SOX6: variants seen among roughly 807,000 people sequenced by gnomAD.
SOX6 encodes the protein SRY-box transcription factor 6.
In SOX6, 11 loss-of-function variants were observed where a neutral mutation model predicts 97.8. That is an observed-to-expected ratio of 0.11 (90% CI 0.07 to 0.19). SOX6 has a LOEUF of 0.19. Ranked by LOEUF, SOX6 falls within the 10% of genes least tolerant of loss-of-function variation. The pLI, the probability that SOX6 is intolerant of heterozygous loss-of-function variation, is 1.00. For missense variants in SOX6, 810 were observed against 1,039.5 expected, an observed-to-expected ratio of 0.78 and a Z score of 3.04; for synonymous variants, 360 against 371.4, an observed-to-expected ratio of 0.97 and a Z score of 0.35.
At chr11:16,116,482 A>G (rs1370886449) in intron 6 of SOX6, among the ~76,000 whole-genome samples, 2 of 151,960 alleles carry the variant, frequency 1.3e-5, no homozygotes, top group Admixed American at 6.6e-5. Context: ...TGAAAAACAG[A>G]TCTAAGATAA....
intron 4 of SOX6, among the ~76,000 whole-genome samples, chr11:16,234,068 TCCAAAG>T (rs1852942719): frequency 6.6e-6 from 1 of 150,410 alleles, no homozygotes; most frequent in African/African-American, 2.4e-5. Context: ...CAGTGGCTTG[TCCAAAG>T]TTACTCTGTC....
intron 2 of SOX6, 72 bp downstream of exon 2, chr11:16,340,940 A>G: frequency 6.2e-7 from 1 of 1,601,718 alleles, no homozygotes. Flanking sequence ...CTATTTCCCT[A>G]AAATATCTAT....
chr11:16,287,771 T>C (rs992587392), intron 3 of SOX6, among the ~76,000 whole-genome samples: 2 of 152,100 alleles, frequency 1.3e-5, no homozygotes, highest in African/African-American at 4.8e-5. Flanking sequence ...GAATTCCTGG[T>C]ATACTCATTT....
intron 10 of SOX6, among the ~76,000 whole-genome samples, chr11:16,052,834 A>G (rs78532808): frequency 0.038 from 5,759 of 152,146 alleles, 352 homozygotes; most frequent in African/African-American, 0.13. Flanking sequence ...CTGAGGTTAT[A>G]CCCTTCTGGG....
intron 12 of SOX6, among the ~76,000 whole-genome samples, chr11:16,029,680 C>T (rs1855311838): frequency 6.6e-6 from 1 of 150,844 alleles, no homozygotes; most frequent in African/African-American, 2.4e-5. Flanking sequence ...CGAGAATTAA[C>T]TAAAATGGAT....
intron 13 of SOX6, among the ~76,000 whole-genome samples, chr11:16,004,002 A>AAT (rs1394298514): frequency 5.3e-5 from 8 of 151,360 alleles, no homozygotes; most frequent in Non-Finnish European, 1.2e-4. Context: ...GGTGTGTGTA[A>AAT]ATATATATAT....
rs748918183 is a variant in SOX6 at position 16,096,153 on chromosome 11, A to G, written c.979-35T>C. 5.1e-6 allele frequency: 8 copies of G among 1,580,522 alleles called. No homozygotes were observed. The South Asian group carries it at 5.5e-5, about 11-fold the overall frequency. On this transcript the variant is annotated intron_variant, in intron 8 of 15. Transcript: ENST00000683767. ...AGCATATTCAGAAAAAAAAAAAAAGACAAAACATACTGTCAGAACTCATGA... is the reference window on the plus strand; with the variant it reads ...AGCATATTCAGAAAAAAAAAAAAAGGCAAAACATACTGTCAGAACTCATGA...
At chr11:16,571,832 T>C (rs186534248) in intron 4 of SOX6, among the ~76,000 whole-genome samples, 1 of 152,290 alleles carries the variant, frequency 6.6e-6, no homozygotes, top group East Asian at 1.9e-4. Context: ...TTTGTATTTT[T>C]ACTAGAGACA....
At chr11:16,656,655 T>A (rs1353553884) in intron 3 of SOX6, among the ~76,000 whole-genome samples, 2 of 152,222 alleles carry the variant, frequency 1.3e-5, no homozygotes, top group Non-Finnish European at 2.9e-5. Context: ...AAAATTTTAC[T>A]TTAAAAGCCA....
intron 1 of SOX6, among the ~76,000 whole-genome samples, chr11:16,382,920 CA>C (rs1338711330): frequency 2.0e-5 from 3 of 150,946 alleles, no homozygotes; most frequent in Non-Finnish European, 4.4e-5. Flanking sequence ...CCATTAAAAA[CA>C]AAACAAACAA....
chr11:16,589,517 G>T (rs1327559674), intron 4 of SOX6, among the ~76,000 whole-genome samples: 1 of 152,010 alleles, frequency 6.6e-6, no homozygotes, highest in Admixed American at 6.6e-5. Flanking sequence ...ATAGCTTAAG[G>T]ATAATATTAA....
intron 12 of SOX6, among the ~76,000 whole-genome samples, chr11:16,020,699 C>A (rs540707907): frequency 2.5e-4 from 38 of 152,260 alleles, no homozygotes; most frequent in Non-Finnish European, 4.0e-4. Context: ...TACCTACTCT[C>A]TGCTATACAA....
intron 1 of SOX6, among the ~76,000 whole-genome samples, chr11:16,427,577 G>A (rs1218097121): frequency 1.3e-5 from 2 of 151,968 alleles, no homozygotes; most frequent in Admixed American, 1.3e-4. Flanking sequence ...AGAACATGAG[G>A]TGTTTGGTTT....
intron 2 of SOX6, among the ~76,000 whole-genome samples, chr11:16,727,043 T>C (rs567180950): frequency 1.3e-5 from 2 of 152,194 alleles, no homozygotes; most frequent in Non-Finnish European, 2.9e-5. Flanking sequence ...TACAGTTAAA[T>C]TTTTAGTTAA....
At chr11:16,674,251 GGAT>G (rs1847869608) in intron 3 of SOX6, among the ~76,000 whole-genome samples, 1 of 149,956 alleles carries the variant, frequency 6.7e-6, no homozygotes, top group African/African-American at 2.5e-5. Flanking sequence ...GAGGATGCAA[GGAT>G]CTCTCAACAT....
At chr11:16,024,110 C>T (rs1855148443) in intron 12 of SOX6, among the ~76,000 whole-genome samples, 1 of 151,992 alleles carries the variant, frequency 6.6e-6, no homozygotes, top group African/African-American at 2.4e-5. Flanking sequence ...AAGGGTACAT[C>T]TGGACACAAA....
intron 6 of SOX6, among the ~76,000 whole-genome samples, chr11:16,145,998 C>T (rs2134048100): frequency 6.6e-6 from 1 of 152,248 alleles, no homozygotes. Context: ...TTGGAAAAAA[C>T]TACTTTAAAG....
chr11:16,118,932 T>C (rs1268877212), intron 6 of SOX6, among the ~76,000 whole-genome samples: 1 of 152,122 alleles, frequency 6.6e-6, no homozygotes, highest in Non-Finnish European at 1.5e-5. Flanking sequence ...AAAGAAATGT[T>C]TCCAATGTGT....
At chr11:16,259,575 C>A (rs145299055) in intron 3 of SOX6, among the ~76,000 whole-genome samples, 16 of 151,994 alleles carry the variant, frequency 1.1e-4, no homozygotes, top group Non-Finnish European at 1.9e-4. Context: ...CAATGGTAAC[C>A]AATAGACATA....
Sources: allele counts gnomAD v4.1 joint callset (sites outside exome capture counted in the v4.1 genomes callset), GRCh38; gene constraint gnomAD v4.1.1; transcripts MANE v1.5; gene names NCBI Gene and HGNC (gene_info 2026-07-23, HGNC 2026-07-21).